The following ATP6V0A1 variants were observed in gnomAD, a reference collection of about 807,000 sequenced individuals.
The protein encoded by ATP6V0A1 is V-type proton ATPase 116 kDa subunit a 1.
A neutral mutation model predicts 105.4 loss-of-function variants in ATP6V0A1; 43 were observed. The observed-to-expected ratio is 0.41, with a 90% CI of 0.32 to 0.53. The LOEUF is 0.53. Among genes scored for constraint, ATP6V0A1 ranks in the 20% least tolerant of loss-of-function variants. The pLI, the probability that ATP6V0A1 is intolerant of heterozygous loss-of-function variation, is 0.30. For missense variants in ATP6V0A1, 676 were observed against 1,051.1 expected (o/e 0.64, Z 4.93); for synonymous variants, 362 against 372.8 (o/e 0.97, Z 0.33).
chr17:42,478,651 G>A (rs1292168219), intron 7 of ATP6V0A1, 62 bp downstream of exon 7: 7 of 1,461,696 alleles, frequency 4.8e-6, no homozygotes, highest in African/African-American at 1.4e-5. Context: ...GAGCAGTAAC[G>A]TAGCATGGGG....
chr17:42,476,158 C>A (rs1041163656), intron 5 of ATP6V0A1, among the ~76,000 whole-genome samples: 5 of 152,220 alleles, frequency 3.3e-5, no homozygotes, highest in African/African-American at 1.2e-4. Context: ...CCTCAACTTA[C>A]ATGTAACAGC....
chr17:42,465,384 G>A (rs546464116), intron 2 of ATP6V0A1, among the ~76,000 whole-genome samples: 1 of 151,384 alleles, frequency 6.6e-6, no homozygotes, highest in Non-Finnish European at 1.5e-5. Context: ...TCAGCTTCCC[G>A]GGTTCAAGCG....
intron 2 of ATP6V0A1, among the ~76,000 whole-genome samples, chr17:42,462,397 CTA>C (rs941686700): frequency 6.6e-6 from 1 of 151,804 alleles, no homozygotes; most frequent in Non-Finnish European, 1.5e-5. Context: ...TTTATTTCTC[CTA>C]TGTGTGGTTT....
intron 10 of ATP6V0A1, among the ~76,000 whole-genome samples, chr17:42,489,404 C>T (rs899909358): frequency 2.2e-4 from 34 of 151,964 alleles, no homozygotes; most frequent in African/African-American, 8.2e-4. Context: ...AAAGAGTAAT[C>T]TGCTGATAGT....
intron 18 of ATP6V0A1, 91 bp downstream of exon 18, chr17:42,507,718 T>C (rs1036901768): frequency 5.5e-6 from 6 of 1,091,568 alleles, no homozygotes; most frequent in Non-Finnish European, 8.5e-6. Context: ...GTCTTCTCCT[T>C]GAAAAATAAA....
In ATP6V0A1 at chr17:42,472,274, G is replaced by C. The variant is rs200510982; in HGVS notation, c.423+2056G>C. Reference sequence around the variant, plus strand: ...TCACCATGTTGGCCAGGCTGGTCTCGAACCTCTAGCCTCAAGTGATCCATC... The same window carrying C: ...TCACCATGTTGGCCAGGCTGGTCTCCAACCTCTAGCCTCAAGTGATCCATC... On this transcript the variant is annotated intron_variant, in intron 5 of 21. Coordinates refer to ENST00000343619, the MANE Select transcript of ATP6V0A1 (RefSeq NM_001130021.3). Among the ~76,000 whole-genome samples, 5 of 151,576 alleles carry C rather than the reference G, an allele frequency of 3.3e-5. No individual in the cohort carries two copies. In the East Asian group the frequency reaches 7.8e-4, roughly 24 times the overall value.
chr17:42,461,686 G>A (rs1177817252), intron 2 of ATP6V0A1, among the ~76,000 whole-genome samples: 1 of 152,150 alleles, frequency 6.6e-6, no homozygotes, highest in Non-Finnish European at 1.5e-5. Context: ...CAGGAGAATC[G>A]CCTGAACCTG....
At chr17:42,489,974 C>T (rs2090477341) in intron 10 of ATP6V0A1, among the ~76,000 whole-genome samples, 1 of 152,112 alleles carries the variant, frequency 6.6e-6, no homozygotes, top group African/African-American at 2.4e-5. Flanking sequence ...GGATTTTCAC[C>T]AAAGATCTCC....
chr17:42,473,246 T>G (rs1398661682), intron 5 of ATP6V0A1, among the ~76,000 whole-genome samples: 1 of 152,228 alleles, frequency 6.6e-6, no homozygotes, highest in African/African-American at 2.4e-5. Flanking sequence ...TAACTCTAAG[T>G]GTTTAAGGTC....
intron 14 of ATP6V0A1, among the ~76,000 whole-genome samples, chr17:42,497,970 G>T (rs2091341568): frequency 6.6e-6 from 1 of 151,872 alleles, no homozygotes; most frequent in African/African-American, 2.4e-5. Flanking sequence ...TACTGGCCGG[G>T]CGCAGTGACT....
intron 18 of ATP6V0A1, among the ~76,000 whole-genome samples, chr17:42,507,844 C>T (rs1259462012): frequency 2.0e-5 from 3 of 152,228 alleles, no homozygotes; most frequent in Non-Finnish European, 4.4e-5. Flanking sequence ...AGTTTTGCTC[C>T]TATCTTGAAT....
intron 9 of ATP6V0A1, among the ~76,000 whole-genome samples, chr17:42,483,411 A>ATT (rs760755835): frequency 2.8e-5 from 4 of 144,682 alleles, no homozygotes; most frequent in Non-Finnish European, 3.1e-5. Context: ...TGGGTCTGAG[A>ATT]TTTTTTTTTT....
chr17:42,479,413 C>G (rs7218616), intron 7 of ATP6V0A1, among the ~76,000 whole-genome samples: 1 of 152,276 alleles, frequency 6.6e-6, no homozygotes, highest in Non-Finnish European at 1.5e-5. Context: ...GTTTAACATC[C>G]TGGCATTTGC....
intron 9 of ATP6V0A1, among the ~76,000 whole-genome samples, chr17:42,485,487 T>G (rs2090012510): frequency 2.0e-5 from 3 of 152,232 alleles, no homozygotes; most frequent in Admixed American, 2.0e-4. Context: ...AGAACATTGC[T>G]TGCTAGTTTC....
intron 14 of ATP6V0A1, among the ~76,000 whole-genome samples, chr17:42,498,687 G>T (rs1032611862): frequency 6.6e-6 from 1 of 152,054 alleles, no homozygotes; most frequent in Non-Finnish European, 1.5e-5. Flanking sequence ...ATAGCTGGGC[G>T]TGGTGGCAGG....
chr17:42,480,577 G>C (rs779373237), intron 7 of ATP6V0A1, 90 bp from the exon 8 acceptor site: 412 of 1,244,742 alleles, frequency 3.3e-4, no homozygotes, highest in Middle Eastern at 4.2e-4. Context: ...GATGCCTGTT[G>C]TTCTTGCATC....
chr17:42,483,207 G>A (rs1012802488), intron 9 of ATP6V0A1, 76 bp downstream of exon 9: 86 of 1,164,150 alleles, frequency 7.4e-5, no homozygotes, highest in Non-Finnish European at 3.8e-5. Flanking sequence ...TTGAAATGCT[G>A]ATATTCTATA....
At chr17:42,489,013 T>C (rs1159275845) in intron 10 of ATP6V0A1, among the ~76,000 whole-genome samples, 53 of 121,248 alleles carry the variant, frequency 4.4e-4, no homozygotes, top group Non-Finnish European at 7.5e-4. Context: ...AGACTCTGTC[T>C]CAAAAAAAAA....
intron 14 of ATP6V0A1, chr17:42,496,350 A>G (rs1482415801): frequency 3.3e-5 from 5 of 152,140 alleles, no homozygotes; most frequent in African/African-American, 1.2e-4. Flanking sequence ...CATTTTAGCA[A>G]AGCAGAAATA....
Sources: gnomAD v4.1 joint callset for allele counts (sites outside exome capture counted in the v4.1 genomes callset) on GRCh38, gnomAD v4.1.1 for gene constraint, MANE v1.5 for transcripts, NCBI Gene and HGNC (gene_info 2026-07-23, HGNC 2026-07-21) for gene names.